DDX10: variants seen among roughly 807,000 people sequenced by gnomAD.
The protein encoded by DDX10 is DEAD-box helicase 10.
In DDX10, 74 loss-of-function variants were observed where a neutral mutation model predicts 104.3. The observed-to-expected ratio is 0.71, with a 90% CI of 0.59 to 0.86. DDX10 has a LOEUF of 0.86. Among genes scored for constraint, DDX10 ranks in the 40% least tolerant of loss-of-function variants. The pLI, the probability that DDX10 is intolerant of heterozygous loss-of-function variation, is 0.00. For synonymous variants in DDX10, 351 were observed against 353.4 expected (o/e 0.99, Z 0.08); for missense variants, 952 against 1,040.0 (o/e 0.92, Z 1.16).
At chr11:108,803,388 G>T (rs555940571) in intron 13 of DDX10, among the ~76,000 whole-genome samples, 9 of 151,972 alleles carry the variant, frequency 5.9e-5, no homozygotes, top group Admixed American at 5.9e-4. Flanking sequence ...GCGGTCGTGA[G>T]TTTGAGACCA....
intron 13 of DDX10, among the ~76,000 whole-genome samples, chr11:108,787,239 A>G (rs887289494): frequency 2.0e-5 from 3 of 152,172 alleles, no homozygotes; most frequent in Non-Finnish European, 2.9e-5. Flanking sequence ...TTCCCTCTGC[A>G]GGTGACCTGA....
intron 6 of DDX10, among the ~76,000 whole-genome samples, chr11:108,682,049 G>T (rs964208090): frequency 5.9e-5 from 9 of 151,904 alleles, no homozygotes; most frequent in African/African-American, 2.2e-4. Context: ...CCTACTCCCG[G>T]TGTTTTTTCA....
chr11:108,928,084 A>G (rs944444148), intron 17 of DDX10, among the ~76,000 whole-genome samples: 1 of 152,166 alleles, frequency 6.6e-6, no homozygotes, highest in African/African-American at 2.4e-5. Flanking sequence ...TTTACCAGTG[A>G]GAGGTCTTCC....
At chr11:108,921,034 A>T (rs1863818370) in intron 17 of DDX10, 1 of 152,210 alleles carries the variant, frequency 6.6e-6, no homozygotes, top group Non-Finnish European at 1.5e-5. Flanking sequence ...ATTTGGCCTA[A>T]GCAGTCCTCA....
At chr11:108,717,783 A>G (rs1170366492) in intron 11 of DDX10, among the ~76,000 whole-genome samples, 1 of 152,214 alleles carries the variant, frequency 6.6e-6, no homozygotes, top group Non-Finnish European at 1.5e-5. Flanking sequence ...ATGCGTTGTT[A>G]CCTAATCTTC....
At chr11:108,687,449 A>G (rs1276319832) in intron 6 of DDX10, among the ~76,000 whole-genome samples, 1 of 152,138 alleles carries the variant, frequency 6.6e-6, no homozygotes, top group Non-Finnish European at 1.5e-5. Context: ...AGCTGGGACT[A>G]TAGGCACATG....
intron 17 of DDX10, among the ~76,000 whole-genome samples, chr11:108,933,938 G>A (rs1864005837): frequency 1.3e-5 from 2 of 152,212 alleles, no homozygotes; most frequent in African/African-American, 4.8e-5. Flanking sequence ...GGGTACCAAG[G>A]CAGTGTGGCT....
intron 15 of DDX10, 107 bp downstream of exon 15, chr11:108,841,583 T>A: frequency 9.6e-7 from 1 of 1,041,200 alleles, no homozygotes; most frequent in Non-Finnish European, 1.4e-6. Context: ...CTTCATTGTT[T>A]TCTCTGACAC....
At chr11:108,937,779 A>G (rs954924756) in intron 17 of DDX10, among the ~76,000 whole-genome samples, 1 of 152,130 alleles carries the variant, frequency 6.6e-6, no homozygotes, top group African/African-American at 2.4e-5. Context: ...CTTTAGCCCT[A>G]CTTCTGATTT....
intron 13 of DDX10, among the ~76,000 whole-genome samples, chr11:108,725,741 G>T (rs186424474): frequency 1.3e-4 from 19 of 151,984 alleles, no homozygotes; most frequent in Admixed American, 6.6e-4. Flanking sequence ...CCAATCTATG[G>T]CTTGTTTTTA....
chr11:108,903,155 A>G (rs1417117376), intron 16 of DDX10, among the ~76,000 whole-genome samples: 1 of 152,132 alleles, frequency 6.6e-6, no homozygotes, highest in Non-Finnish European at 1.5e-5. Context: ...CAGCACCACT[A>G]TCTAATTTCA....
At chr11:108,899,576 C>T (rs892035470) in intron 16 of DDX10, among the ~76,000 whole-genome samples, 6 of 151,460 alleles carry the variant, frequency 4.0e-5, no homozygotes, top group African/African-American at 1.2e-4. Context: ...ATAGTTGGTA[C>T]CTTTGTGTCA....
intron 13 of DDX10, among the ~76,000 whole-genome samples, chr11:108,794,043 A>G (rs1861906624): frequency 6.6e-6 from 1 of 152,096 alleles, no homozygotes; most frequent in South Asian, 2.1e-4. Flanking sequence ...TAATAATTCC[A>G]TTGTGTATAG....
rs571663943 is a variant in DDX10 at position 108,765,370 on chromosome 11, A to G, written c.1965+41908A>G. On this transcript the variant is annotated intron_variant, in intron 13 of 17. Transcript: ENST00000322536. ...GAATAGGGATAAGAAAAAGCATTAA[A>G]CTTAAAGTTTCACATACTGTAGTAG... is the stretch of plus-strand genomic sequence containing the variant. 9.9e-5 allele frequency among the ~76,000 whole-genome samples: 15 copies of G among 152,276 alleles called. No individual in the cohort carries two copies. In the East Asian group the frequency reaches 2.9e-3, roughly 29 times the overall value.
At chr11:108,932,708 C>A (rs973006407) in intron 17 of DDX10, among the ~76,000 whole-genome samples, 4 of 151,900 alleles carry the variant, frequency 2.6e-5, no homozygotes, top group Non-Finnish European at 5.9e-5. Context: ...AGGTCTTTCT[C>A]CTTAAAAGAA....
chr11:108,930,054 T>C (rs1863957484), intron 17 of DDX10, among the ~76,000 whole-genome samples: 1 of 152,216 alleles, frequency 6.6e-6, no homozygotes, highest in African/African-American at 2.4e-5. Context: ...CTTTCGGCAT[T>C]GTATATCTTA....
chr11:108,782,573 AGCAATTAGCTT>A (rs1468596789), intron 13 of DDX10, among the ~76,000 whole-genome samples: 1 of 152,142 alleles, frequency 6.6e-6, no homozygotes, highest in African/African-American at 2.4e-5. Context: ...TGTAATACTT[AGCAATTAGCTT>A]GGCATATCCT....
chr11:108,899,342 T>G (rs552331160), intron 16 of DDX10, among the ~76,000 whole-genome samples: 2 of 152,284 alleles, frequency 1.3e-5, no homozygotes, highest in South Asian at 4.1e-4. Flanking sequence ...GAAGACAGAT[T>G]TTAAAACCAA....
At chr11:108,750,926 C>CTTTTT (rs10582729) in intron 13 of DDX10, among the ~76,000 whole-genome samples, 1 of 24,250 alleles carries the variant, frequency 4.1e-5, no homozygotes, top group African/African-American at 9.5e-5. Flanking sequence ...CACCTGGTTA[C>CTTTTT]TTTTTTTTTT....
Sources: gnomAD v4.1 joint callset for allele counts (sites outside exome capture counted in the v4.1 genomes callset) on GRCh38, gnomAD v4.1.1 for gene constraint, MANE v1.5 for transcripts, NCBI Gene and HGNC (gene_info 2026-07-23, HGNC 2026-07-21) for gene names.